Variants in SORBS2 observed in about 807,000 individuals in gnomAD.
The protein encoded by SORBS2 is sorbin and SH3 domain containing 2.
A neutral mutation model predicts 97.7 loss-of-function variants in SORBS2; 46 were observed. That is an observed-to-expected ratio of 0.47 (90% confidence interval 0.37 to 0.60). The LOEUF is 0.60. SORBS2 is among the 20% of genes least tolerant of loss of function. SORBS2 has a pLI of 0.00. For synonymous variants in SORBS2, 476 were observed against 473.4 expected, an observed-to-expected ratio of 1.01 and a Z score of -0.07; for missense variants, 1,316 against 1,282.3, an observed-to-expected ratio of 1.03 and a Z score of -0.40.
intron 1 of SORBS2, among the ~76,000 whole-genome samples, chr4:185,816,445 A>G (rs749387808): frequency 1.1e-4 from 16 of 152,364 alleles, no homozygotes; most frequent in Non-Finnish European, 1.9e-4. Context: ...AGAATATCCC[A>G]AAGGTTATTC....
chr4:185,585,992 G>C (rs1485936261), exon 15 of SORBS2: 2 of 152,612 alleles, frequency 1.3e-5, no homozygotes, highest in Admixed American at 6.5e-5. Context: ...CTTGTGATCT[G>C]TGAGATAAGG....
intron 1 of SORBS2, among the ~76,000 whole-genome samples, chr4:185,929,834 G>A (rs534759281): frequency 1.3e-5 from 2 of 152,186 alleles, no homozygotes; most frequent in East Asian, 3.9e-4. Context: ...GTGCCTGGCC[G>A]CAAAGAGATT....
intron 5 of SORBS2, among the ~76,000 whole-genome samples, chr4:185,628,064 GTTTA>G (rs2153429454): frequency 6.6e-6 from 1 of 152,278 alleles, no homozygotes; most frequent in African/African-American, 2.4e-5. Flanking sequence ...ATGCGCCACA[GTTTA>G]TGTATCCATT....
chr4:185,943,413 G>A (rs2099273047), intron 1 of SORBS2, among the ~76,000 whole-genome samples: 1 of 152,180 alleles, frequency 6.6e-6, no homozygotes, highest in Non-Finnish European at 1.5e-5. Flanking sequence ...CAGATGTGAT[G>A]GCATAGAAAC....
At chr4:185,914,173 A>G (rs1391596682) in intron 1 of SORBS2, among the ~76,000 whole-genome samples, 2 of 152,242 alleles carry the variant, frequency 1.3e-5, no homozygotes, top group East Asian at 1.9e-4. Flanking sequence ...TGCCACAACC[A>G]TCTATAAACA....
At chr4:185,595,154 A>G (rs532416168) in intron 12 of SORBS2, among the ~76,000 whole-genome samples, 2 of 152,270 alleles carry the variant, frequency 1.3e-5, no homozygotes, top group South Asian at 4.1e-4. Flanking sequence ...TCTATCTAGC[A>G]TAAGACTAGG....
At chr4:185,909,410 G>A (rs912844338) in intron 1 of SORBS2, among the ~76,000 whole-genome samples, 1 of 152,146 alleles carries the variant, frequency 6.6e-6, no homozygotes, top group African/African-American at 2.4e-5. Flanking sequence ...GGGGGTGGAT[G>A]ATGAAAGATG....
intron 1 of SORBS2, among the ~76,000 whole-genome samples, chr4:185,930,367 T>C (rs1219588458): frequency 5.9e-5 from 9 of 152,138 alleles, no homozygotes; most frequent in African/African-American, 2.2e-4. Context: ...CGATCTCGGC[T>C]CACTGCAAGC....
At chr4:185,782,172 T>C (rs1021864921) in intron 1 of SORBS2, among the ~76,000 whole-genome samples, 3 of 152,230 alleles carry the variant, frequency 2.0e-5, no homozygotes, top group Non-Finnish European at 1.5e-5. Flanking sequence ...ACTTGTGAAA[T>C]AAAAAGTATC....
At chr4:185,906,947 G>A (rs1451993184) in intron 1 of SORBS2, among the ~76,000 whole-genome samples, 12 of 152,042 alleles carry the variant, frequency 7.9e-5, no homozygotes, top group South Asian at 4.2e-4. Context: ...CCAACATGGC[G>A]AAACCCCGTG....
rs200778607 is a variant in SORBS2, at chr4:185,867,172, C to A, written c.-338+89024G>T. Among the ~76,000 whole-genome samples, 6 of 151,950 alleles carry A rather than the reference C, an allele frequency of 3.9e-5. No individual in the cohort carries two copies. In the East Asian group the frequency reaches 1.2e-3, roughly 29 times the overall value. On this transcript the variant is annotated intron_variant, in intron 1 of 20. Coordinates refer to the SORBS2 transcript ENST00000284776. ...GATTATAGGCATGCACCACCACACT[C>A]GGCTAATTTTTGTATTTTTAGTAGA...
chr4:185,610,202 T>C (rs2096511037), intron 12 of SORBS2, among the ~76,000 whole-genome samples: 1 of 152,240 alleles, frequency 6.6e-6, no homozygotes. Context: ...TGAGCTTTTG[T>C]ACATACATGC....
At position 185,590,529 on chromosome 4, in the gene SORBS2, T is replaced by C. The variant is rs73876112; in HGVS notation, c.2847-744A>G. 7.1e-3 allele frequency among the ~76,000 whole-genome samples: 1,083 copies of C among 152,292 alleles called. 7 individuals are homozygous for C. The highest frequency in any genetic ancestry group is 0.024 in the African/African-American group (1,002 of 41,560). The stretch of plus-strand genomic sequence containing the variant: ...AAGCAGACTATGGACATAAGTCTCT[T>C]TTTAAAATGAGTCCCAGAAAAATTG... On this transcript the variant is annotated intron_variant, in intron 13 of 14. Transcript: ENST00000418609.
intron 1 of SORBS2, among the ~76,000 whole-genome samples, chr4:185,914,410 C>A (rs1379307647): frequency 6.6e-6 from 1 of 152,148 alleles, no homozygotes; most frequent in Non-Finnish European, 1.5e-5. Context: ...TTCATTATTT[C>A]ACCCTCATAA....
intron 1 of SORBS2, among the ~76,000 whole-genome samples, chr4:185,885,056 A>T (rs2099238703): frequency 6.6e-6 from 1 of 152,148 alleles, no homozygotes; most frequent in Admixed American, 6.5e-5. Context: ...AACAAGAAGA[A>T]AAAAAAATCA....
intron 2 of SORBS2, among the ~76,000 whole-genome samples, chr4:185,731,898 A>C (rs1222384519): frequency 1.0e-4 from 9 of 86,212 alleles, no homozygotes; most frequent in Non-Finnish European, 1.8e-4. Context: ...ATATATATAT[A>C]TATATATATA....
At chr4:185,824,452 T>C (rs1332049245) in intron 1 of SORBS2, among the ~76,000 whole-genome samples, 3 of 152,226 alleles carry the variant, frequency 2.0e-5, no homozygotes, top group African/African-American at 4.8e-5. Context: ...AAAGTCGCAT[T>C]CACAAGTCCT....
intron 1 of SORBS2, among the ~76,000 whole-genome samples, chr4:185,837,044 T>G (rs2153675670): frequency 6.6e-6 from 1 of 152,228 alleles, no homozygotes; most frequent in Non-Finnish European, 1.5e-5. Context: ...GAGTGAAGGG[T>G]TTTGAAGAGA....
intron 12 of SORBS2, among the ~76,000 whole-genome samples, chr4:185,597,797 G>A (rs762796782): frequency 8.5e-5 from 13 of 152,172 alleles, no homozygotes; most frequent in Non-Finnish European, 1.2e-4. Context: ...GTGAGCAATG[G>A]CAGCAACAAG....
Sources: gnomAD v4.1 joint callset for allele counts (sites outside exome capture counted in the v4.1 genomes callset) on GRCh38, gnomAD v4.1.1 for gene constraint, MANE v1.5 for transcripts, NCBI Gene and HGNC (gene_info 2026-07-23, HGNC 2026-07-21) for gene names.